MAF: variants seen among roughly 807,000 people sequenced by gnomAD.
MAF encodes transcription factor Maf.
In MAF, 10 loss-of-function variants were observed where a neutral mutation model predicts 22.0. That is an observed-to-expected ratio of 0.45 (90% CI 0.28 to 0.77). MAF has a LOEUF of 0.77. MAF is among the 30% of genes least tolerant of loss of function. The pLI, the probability that MAF is intolerant of heterozygous loss-of-function variation, is 0.12. For missense variants in MAF, 544 were observed against 548.4 expected (o/e 0.99, Z 0.08); for synonymous variants, 337 against 255.8 (o/e 1.32, Z -3.03).
the MAF span, among the ~76,000 whole-genome samples, chr16:79,220,032 G>A: frequency 2.9e-3 from 438 of 152,202 alleles, 5 homozygotes; most frequent in Admixed American, 0.022. Context: ...AAGGTGGGCA[G>A]ATCACCTGAG....
chr16:79,457,094 A>G, the MAF span, among the ~76,000 whole-genome samples: 3 of 152,168 alleles, frequency 2.0e-5, no homozygotes, highest in Admixed American at 2.0e-4. Context: ...ACATACTCAG[A>G]ATCACAAGTG....
chr16:79,403,742 G>A, the MAF span, among the ~76,000 whole-genome samples: 1 of 152,128 alleles, frequency 6.6e-6, no homozygotes, highest in Non-Finnish European at 1.5e-5. Flanking sequence ...ACCTAACATA[G>A]GAAAAACATA....
At chr16:79,583,941 T>A (rs1912683128), downstream of MAF, among the ~76,000 whole-genome samples, 2 of 152,180 alleles carry the variant, frequency 1.3e-5, no homozygotes, top group South Asian at 2.1e-4. Context: ...GCAGCATGCA[T>A]GTTGGTTGAT....
the MAF span, among the ~76,000 whole-genome samples, chr16:79,413,998 T>C: frequency 6.6e-6 from 1 of 152,186 alleles, no homozygotes; most frequent in Admixed American, 6.5e-5. Context: ...GCTGGCCAAA[T>C]GCCCTCAGCT....
chr16:79,538,866 AAAAGAAAAGAAAGAAAG>A, the MAF span, among the ~76,000 whole-genome samples: 1,130 of 117,474 alleles, frequency 9.6e-3, 14 homozygotes, highest in African/African-American at 0.034. Context: ...AAAAGAAAAG[AAAAGAAAAGAAAGAAAG>A]AAAGAAAGAA....
At chr16:79,394,928 C>G in the MAF span, among the ~76,000 whole-genome samples, 3 of 152,172 alleles carry the variant, frequency 2.0e-5, no homozygotes, top group Non-Finnish European at 4.4e-5. Context: ...CCACAGTGGT[C>G]AAGAGCCTGG....
At chr16:79,515,690 C>A in the MAF span, among the ~76,000 whole-genome samples, 1 of 152,268 alleles carries the variant, frequency 6.6e-6, no homozygotes, top group African/African-American at 2.4e-5. Context: ...GAGGCTGGGC[C>A]GTGCTTCCTG....
chr16:79,341,179 G>C, the MAF span, among the ~76,000 whole-genome samples: 13 of 152,194 alleles, frequency 8.5e-5, no homozygotes, highest in Non-Finnish European at 1.5e-4. Context: ...TTGTCAACAA[G>C]ATAAGGAGTT....
At chr16:79,441,295 C>T in the MAF span, among the ~76,000 whole-genome samples, 246 of 152,292 alleles carry the variant, frequency 1.6e-3, no homozygotes, top group African/African-American at 5.7e-3. Flanking sequence ...GCAAAGGAGA[C>T]GTGTTTTCCT....
chr16:79,324,057 C>T, the MAF span, among the ~76,000 whole-genome samples: 1 of 152,178 alleles, frequency 6.6e-6, no homozygotes, highest in South Asian at 2.1e-4. Flanking sequence ...ACCTTCCGTG[C>T]TTACAACAGA....
the MAF span, among the ~76,000 whole-genome samples, chr16:79,489,138 T>G: frequency 9.5e-3 from 1,452 of 152,170 alleles, 15 homozygotes; most frequent in African/African-American, 0.033. Flanking sequence ...CATCCACTCA[T>G]CCATCCATCC....
At chr16:79,208,628 TAAATTTTTTTTTTAATCAGTTTAAG>T in the MAF span, among the ~76,000 whole-genome samples, 7 of 90,962 alleles carry the variant, frequency 7.7e-5, no homozygotes, top group African/African-American at 3.1e-4. Context: ...AAGTGCTCTT[TAAATTTTTTTTTTAATCAGTTTAAG>T]AATGCTTTCT....
chr16:79,361,681 T>A, the MAF span, among the ~76,000 whole-genome samples: 10 of 150,422 alleles, frequency 6.6e-5, no homozygotes, highest in East Asian at 1.9e-3. Flanking sequence ...GAAAGATTGG[T>A]TTTTTTTTCT....
At chr16:79,409,990 G>C in the MAF span, among the ~76,000 whole-genome samples, 1 of 152,168 alleles carries the variant, frequency 6.6e-6, no homozygotes, top group East Asian at 1.9e-4. Flanking sequence ...TTGAGTCCTT[G>C]TGGATGAATT....
At chr16:79,452,475 G>A in the MAF span, among the ~76,000 whole-genome samples, 3 of 152,144 alleles carry the variant, frequency 2.0e-5, no homozygotes, top group South Asian at 4.1e-4. Flanking sequence ...TTTCCACTGT[G>A]TGCATGCAAA....
At chr16:79,341,092 T>G in the MAF span, among the ~76,000 whole-genome samples, 2 of 151,980 alleles carry the variant, frequency 1.3e-5, no homozygotes, top group African/African-American at 2.4e-5. Context: ...AAGAACCAGG[T>G]GTGATGGAGC....
the MAF span, among the ~76,000 whole-genome samples, chr16:79,454,737 C>T: frequency 6.6e-6 from 1 of 151,638 alleles, no homozygotes; most frequent in Admixed American, 6.6e-5. Flanking sequence ...GCATGGTGAC[C>T]TGGAGAGGCT....
At chr16:79,557,944 G>T in the MAF span, among the ~76,000 whole-genome samples, 2 of 150,892 alleles carry the variant, frequency 1.3e-5, no homozygotes, top group Non-Finnish European at 1.5e-5. Context: ...TTAAGCCAAG[G>T]CCTGATGGGT....
chr16:79,345,627 C>G, the MAF span, among the ~76,000 whole-genome samples: 1 of 141,482 alleles, frequency 7.1e-6, no homozygotes, highest in Non-Finnish European at 1.5e-5. Flanking sequence ...ACTCAGGAGG[C>G]TGAGGCAGGA....
Sources: gnomAD v4.1 joint callset for allele counts (sites outside exome capture counted in the v4.1 genomes callset) on GRCh38, gnomAD v4.1.1 for gene constraint, MANE v1.5 for transcripts, NCBI Gene and HGNC (gene_info 2026-07-23, HGNC 2026-07-21) for gene names.